The following TMEM132B variants were observed in gnomAD, a reference collection of about 807,000 sequenced individuals.
The protein encoded by TMEM132B is transmembrane protein 132B.
Under a neutral mutation model 90.8 loss-of-function variants are expected in TMEM132B, and 18 were observed. The ratio of observed to expected loss-of-function variants is 0.20; its 90% confidence interval spans 0.14 to 0.29. TMEM132B has a LOEUF of 0.29. Ranked by LOEUF, TMEM132B falls within the 10% of genes least tolerant of loss-of-function variation. The pLI is 1.00. For missense variants in TMEM132B, 1,096 were observed against 1,326.8 expected (o/e 0.83, Z 2.70); for synonymous variants, 504 against 523.3 (o/e 0.96, Z 0.50).
rs547867819 is a variant in TMEM132B at position 125,261,179 on chromosome 12, C to T, written c.67+74313C>T. On this transcript the variant is annotated intron_variant, in intron 1 of 8. Coordinates refer to ENST00000682704, the MANE Select transcript of TMEM132B (RefSeq NM_001366854.1). Reference sequence around the variant, plus strand: ...CAGGTATTTTAGGGCAAAGATACATCCTGTCTTAAATTCTGTGACTGTTTT... The same window carrying T: ...CAGGTATTTTAGGGCAAAGATACATTCTGTCTTAAATTCTGTGACTGTTTT... Among the ~76,000 whole-genome samples the T allele has an allele frequency of 3.3e-5, 5 of 152,278 alleles. No homozygotes were observed. In the South Asian group the frequency reaches 1.0e-3, roughly 32 times the overall value.
At chr12:125,495,006 C>T (rs1882509654) in intron 3 of TMEM132B, among the ~76,000 whole-genome samples, 1 of 122,004 alleles carries the variant, frequency 8.2e-6, no homozygotes, top group Non-Finnish European at 1.7e-5. Flanking sequence ...GTCCCTCCTC[C>T]CTCTCCTCCC....
intron 7 of TMEM132B, among the ~76,000 whole-genome samples, chr12:125,652,046 G>T (rs1265560165): frequency 6.6e-6 from 1 of 152,148 alleles, no homozygotes; most frequent in Non-Finnish European, 1.5e-5. Flanking sequence ...GATTACATTG[G>T]GTCCACCTAA....
intron 3 of TMEM132B, among the ~76,000 whole-genome samples, chr12:125,456,593 G>A (rs1881298665): frequency 6.6e-6 from 1 of 152,068 alleles, no homozygotes; most frequent in Admixed American, 6.5e-5. Context: ...CAGGGTTTTT[G>A]TTGCTTTAAA....
In TMEM132B at chr12:125,385,905, G is replaced by A. The variant is rs545159675; in HGVS notation, c.960-29626G>A. ...TCTAATGAGACTTATATTCTAGTAG[G>A]AGAGACACAGAAATCCTTGGTATTT... On this transcript the variant is annotated intron_variant, in intron 2 of 8. Transcript: ENST00000682704. 1.6e-4 allele frequency among the ~76,000 whole-genome samples: 24 copies of A among 152,296 alleles called. No individual in the cohort carries two copies. In the East Asian group the frequency reaches 4.4e-3, roughly 28 times the overall value.
chr12:125,214,854 G>A (rs957723652), intron 1 of TMEM132B, among the ~76,000 whole-genome samples: 10 of 152,176 alleles, frequency 6.6e-5, no homozygotes, highest in African/African-American at 1.9e-4. Flanking sequence ...TGAGAGACCC[G>A]GCTGGAAATG....
intron 2 of TMEM132B, among the ~76,000 whole-genome samples, chr12:125,393,995 G>C (rs1314726434): frequency 6.6e-6 from 1 of 152,188 alleles, no homozygotes; most frequent in Non-Finnish European, 1.5e-5. Flanking sequence ...GCCTCTAATG[G>C]TACAGGGCAG....
intron 3 of TMEM132B, among the ~76,000 whole-genome samples, chr12:125,450,355 C>T (rs1881116649): frequency 6.6e-6 from 1 of 152,038 alleles, no homozygotes; most frequent in Non-Finnish European, 1.5e-5. Context: ...TTACATAGAA[C>T]AAAGTTTGAA....
intron 5 of TMEM132B, among the ~76,000 whole-genome samples, chr12:125,639,511 G>A (rs190131359): frequency 2.6e-4 from 39 of 152,340 alleles, no homozygotes; most frequent in Admixed American, 5.9e-4. Context: ...AGAGACAGCA[G>A]GGAAAAGGAG....
At chr12:125,268,724 C>T (rs1206274600) in intron 1 of TMEM132B, among the ~76,000 whole-genome samples, 1 of 152,174 alleles carries the variant, frequency 6.6e-6, no homozygotes, top group Non-Finnish European at 1.5e-5. Flanking sequence ...AGGGAGGAGA[C>T]ATTTTATTCT....
intron 1 of TMEM132B, among the ~76,000 whole-genome samples, chr12:125,285,197 T>C (rs550341946): frequency 1.3e-5 from 2 of 152,320 alleles, no homozygotes; most frequent in South Asian, 2.1e-4. Context: ...ATAAACTGAT[T>C]GGTCAGGCCA....
chr12:125,484,119 C>T (rs1566049972), intron 3 of TMEM132B, among the ~76,000 whole-genome samples: 1 of 152,086 alleles, frequency 6.6e-6, no homozygotes, highest in African/African-American at 2.4e-5. Flanking sequence ...AGGTTGGTCT[C>T]GAACTCCTGG....
intron 5 of TMEM132B, among the ~76,000 whole-genome samples, chr12:125,600,710 A>G (rs1379280540): frequency 1.3e-5 from 2 of 152,230 alleles, no homozygotes; most frequent in African/African-American, 4.8e-5. Flanking sequence ...CATGTTCCAC[A>G]TCATTATGTG....
intron 5 of TMEM132B, chr12:125,586,953 A>G (rs1374161499): frequency 6.6e-6 from 1 of 152,212 alleles, no homozygotes; most frequent in Non-Finnish European, 1.5e-5. Flanking sequence ...CATTCATCGT[A>G]GTTTTGCTGT....
At chr12:125,548,692 G>A (rs1489426302) in intron 4 of TMEM132B, among the ~76,000 whole-genome samples, 2 of 152,174 alleles carry the variant, frequency 1.3e-5, no homozygotes, top group African/African-American at 4.8e-5. Flanking sequence ...TAAATAGGGG[G>A]AATGTTTTTC....
At chr12:125,215,110 C>T (rs1873404771) in intron 1 of TMEM132B, among the ~76,000 whole-genome samples, 1 of 152,222 alleles carries the variant, frequency 6.6e-6, no homozygotes, top group Non-Finnish European at 1.5e-5. Flanking sequence ...TCCCCTGATG[C>T]TCCTCCACTT....
chr12:125,429,802 C>T (rs545836891), intron 3 of TMEM132B, among the ~76,000 whole-genome samples: 39 of 152,284 alleles, frequency 2.6e-4, no homozygotes, highest in African/African-American at 8.2e-4. Flanking sequence ...TTATGACTGT[C>T]GACCTTGATG....
intron 4 of TMEM132B, among the ~76,000 whole-genome samples, chr12:125,571,455 A>G (rs1359220118): frequency 2.6e-5 from 4 of 152,224 alleles, no homozygotes; most frequent in Non-Finnish European, 4.4e-5. Context: ...TGTTATAAAT[A>G]TGCATTATTA....
At chr12:125,282,486 C>A (rs1875223590) in intron 1 of TMEM132B, among the ~76,000 whole-genome samples, 2 of 152,358 alleles carry the variant, frequency 1.3e-5, no homozygotes, top group South Asian at 4.1e-4. Context: ...CCGCGTCTTC[C>A]ATGGCCTGCA....
At chr12:125,240,426 G>A (rs1874038641) in intron 1 of TMEM132B, among the ~76,000 whole-genome samples, 1 of 152,166 alleles carries the variant, frequency 6.6e-6, no homozygotes, top group Non-Finnish European at 1.5e-5. Flanking sequence ...GGACTCAGTA[G>A]TGCATTTTAT....
Sources: gnomAD v4.1 joint callset for allele counts (sites outside exome capture counted in the v4.1 genomes callset) on GRCh38, gnomAD v4.1.1 for gene constraint, MANE v1.5 for transcripts, NCBI Gene and HGNC (gene_info 2026-07-23, HGNC 2026-07-21) for gene names.